Variants in FRMPD3 observed in about 807,000 individuals in gnomAD.
The protein encoded by FRMPD3 is FERM and PDZ domain-containing protein 3.
FRMPD3 carries 42 observed loss-of-function variants against 97.9 expected under a neutral mutation model. The ratio of observed to expected loss-of-function variants is 0.43; its 90% CI spans 0.34 to 0.55. The LOEUF (loss-of-function observed/expected upper bound fraction) is 0.55. Ranked by LOEUF, FRMPD3 falls within the 20% of genes least tolerant of loss-of-function variation. FRMPD3 has a pLI of 0.03. For synonymous variants in FRMPD3, 577 were observed against 581.1 expected, an observed-to-expected ratio of 0.99 and a Z score of 0.10; for missense variants, 1,303 against 1,457.7, an observed-to-expected ratio of 0.89 and a Z score of 1.73.
At chrX:107,522,337 CCAA>C in intron 1 of FRMPD3, 1 of 519,404 alleles carries the variant, frequency 1.9e-6, no homozygotes. Flanking sequence ...TTTCATTCTC[CCAA>C]CAACACGGAG....
chrX:107,535,850 G>C, intron 4 of FRMPD3, among the ~76,000 whole-genome samples: 2 of 110,162 alleles, frequency 1.8e-5, no homozygotes, highest in Non-Finnish European at 3.8e-5. Flanking sequence ...ATTATACGTT[G>C]CATGCCTGTG....
At chrX:107,554,280 C>T in intron 7 of FRMPD3, 105 bp from the exon 8 acceptor site, 2 of 870,606 alleles carry the variant, frequency 2.3e-6, no homozygotes, top group Middle Eastern at 4.0e-4. Context: ...AACAGCTTAG[C>T]TCTGCCCCAA....
At position 107,566,522 on chromosome X, in the gene FRMPD3, AG is replaced by A. The variant is rs201865082; in HGVS notation, c.1296+1458del. 5.3e-5 allele frequency among the ~76,000 whole-genome samples: 6 copies of A among 112,311 alleles called. No individual in the cohort carries two copies. In the East Asian group the frequency reaches 1.7e-3, roughly 32 times the overall value. On this transcript the variant is annotated intron_variant, in intron 12 of 14. Transcript: ENST00000683843. ...GGCAGAGAAGGGGGCAGGGAAGACAAGGCATGCAGGGGAGATGTGGCTTCCT... is the reference window on the plus strand; with the variant it reads ...GGCAGAGAAGGGGGCAGGGAAGACAAGCATGCAGGGGAGATGTGGCTTCCT...
At chrX:107,568,782 G>A (rs990664383) in intron 12 of FRMPD3, among the ~76,000 whole-genome samples, 2 of 110,559 alleles carry the variant, frequency 1.8e-5, no homozygotes, top group Non-Finnish European at 3.8e-5. Flanking sequence ...TGGCTTGCTG[G>A]GTGCAGTGGC....
intron 1 of FRMPD3, among the ~76,000 whole-genome samples, chrX:107,507,544 G>A (rs1922065965): frequency 2.7e-5 from 3 of 111,742 alleles, no homozygotes; most frequent in African/African-American, 9.8e-5. Flanking sequence ...CTGCCCCTCA[G>A]CGCCTCTGCT....
intron 1 of FRMPD3, among the ~76,000 whole-genome samples, chrX:107,457,069 T>C (rs1187406158): frequency 9.1e-6 from 1 of 110,033 alleles, no homozygotes; most frequent in African/African-American, 3.3e-5. Flanking sequence ...GAAGGAAGAG[T>C]CAAAGATGAT....
Position 107,603,141 on chromosome X carries a change from C to T in FRMPD3, c.5102C>T (p.Thr1701Ile), listed in dbSNP as rs1424901581. The T allele has an allele frequency of 4.2e-6, 5 of 1,177,802 alleles. No individual in the cohort carries two copies. Among genetic ancestry groups the T allele is most frequent in the Non-Finnish European group, 4.5e-6 (4 of 880,951 alleles). ...AKVEEVVRNY[T>I]FLLRAAEEST... ...GTAGAAGAGGTGGTGAGGAACTACA[C>T]CTTCCTGCTGCGTGCAGCTGAGGAG... The change falls in exon 15 of 15, where the codon ACC becomes ATC. Residue 1701 changes from threonine to isoleucine, a missense_variant. By Grantham distance (89) the Thr-to-Ile change is moderately conservative. Coordinates refer to ENST00000683843, the MANE Select transcript of FRMPD3 (RefSeq NM_001388459.1).
chrX:107,597,938 G>T lies in FRMPD3; in HGVS notation c.2059G>T (p.Ala687Ser), dbSNP rs1295510563. 8.3e-7 allele frequency: 1 copy of T among 1,210,734 alleles called. No individual in the cohort carries two copies. Among genetic ancestry groups the T allele is most frequent in the Admixed American group, 2.2e-5 (1 of 46,032 alleles). The change falls in exon 14 of 15, where the codon GCT becomes TCT. Residue 687 changes from alanine (A) to serine (S), a missense_variant. Ala to Ser is a moderately conservative substitution (Grantham distance 99). Coordinates refer to ENST00000683843, the MANE Select transcript of FRMPD3 (RefSeq NM_001388459.1). Reference protein sequence around the residue: ...SSDEDDPKRRAVQSQEQGRHL... With the variant: ...SSDEDDPKRRSVQSQEQGRHL... ...TGATGAGGATGACCCCAAGCGCCGG[G>T]CTGTCCAGAGCCAGGAACAAGGACG... is the stretch of plus-strand genomic sequence containing the variant.
At chrX:107,587,404 A>G (rs1230487199) in intron 13 of FRMPD3, among the ~76,000 whole-genome samples, 5 of 110,464 alleles carry the variant, frequency 4.5e-5, no homozygotes, top group African/African-American at 9.9e-5. Flanking sequence ...TCTTTATCCA[A>G]TTTGCCAGTC....
intron 12 of FRMPD3, among the ~76,000 whole-genome samples, chrX:107,575,120 T>C (rs767360493): frequency 8.9e-6 from 1 of 112,444 alleles, no homozygotes; most frequent in African/African-American, 3.2e-5. Context: ...CTGACTGATT[T>C]AGAGTTAGGA....
intron 8 of FRMPD3, among the ~76,000 whole-genome samples, chrX:107,557,611 A>C (rs1254836080): frequency 9.8e-6 from 1 of 102,012 alleles, no homozygotes; most frequent in African/African-American, 3.5e-5. Context: ...ATTTAGGCCT[A>C]TGATCCATTT....
Position 107,563,209 on chromosome X carries a change from C to A in FRMPD3, c.1116+9C>A. ...TCAACACTGTAGGCCTGGTCAGTGG[C>A]GCAGGATTGGGGGATGTGGGGAGGG... On this transcript the variant is annotated intron_variant, in intron 11 of 14. Transcript: ENST00000683843. 1 of 1,193,857 alleles carries A rather than the reference C, an allele frequency of 8.4e-7. No individual in the cohort carries two copies. Among genetic ancestry groups the A allele is most frequent in the Non-Finnish European group, 1.1e-6 (1 of 881,526 alleles).
intron 1 of FRMPD3, among the ~76,000 whole-genome samples, chrX:107,524,720 C>T (rs933341692): frequency 1.8e-5 from 2 of 111,190 alleles, no homozygotes; most frequent in East Asian, 5.7e-4. Context: ...CGGCTAGGCG[C>T]GGTGGCTCAC....
intron 1 of FRMPD3, among the ~76,000 whole-genome samples, chrX:107,451,272 G>A (rs1447507482): frequency 8.9e-6 from 1 of 112,445 alleles, no homozygotes; most frequent in East Asian, 2.8e-4. Context: ...CCTGCCTTCG[G>A]AGGAACTGCT....
At chrX:107,459,737 A>G (rs1931433383) in intron 1 of FRMPD3, among the ~76,000 whole-genome samples, 1 of 112,875 alleles carries the variant, frequency 8.9e-6, no homozygotes, top group Non-Finnish European at 1.9e-5. Context: ...CCTAACTGCC[A>G]AGGGAGCTCT....
chrX:107,489,364 C>A (rs1260279416), intron 1 of FRMPD3, among the ~76,000 whole-genome samples: 9 of 111,438 alleles, frequency 8.1e-5, no homozygotes, highest in South Asian at 3.8e-4. Context: ...AATGGGATGG[C>A]TGGGTCAAAT....
At chrX:107,459,842 G>C (rs1489580573) in intron 1 of FRMPD3, among the ~76,000 whole-genome samples, 1 of 108,962 alleles carries the variant, frequency 9.2e-6, no homozygotes, top group Non-Finnish European at 1.9e-5. Flanking sequence ...TAGATTGGTG[G>C]ATGAACACAC....
chrX:107,498,493 T>C (rs1465277990), intron 1 of FRMPD3, among the ~76,000 whole-genome samples: 1 of 111,900 alleles, frequency 8.9e-6, no homozygotes, highest in Non-Finnish European at 1.9e-5. Flanking sequence ...GGGGGCAGAC[T>C]GTGGGATGTG....
chrX:107,590,072 T>A (rs1923835798), intron 13 of FRMPD3, among the ~76,000 whole-genome samples: 1 of 112,324 alleles, frequency 8.9e-6, no homozygotes, highest in Non-Finnish European at 1.9e-5. Flanking sequence ...GGGGAATCGC[T>A]TGAACCAAGG....
Sources: gnomAD v4.1 joint callset for allele counts (sites outside exome capture counted in the v4.1 genomes callset) on GRCh38, gnomAD v4.1.1 for gene constraint, MANE v1.5 for transcripts, NCBI Gene and HGNC (gene_info 2026-07-23, HGNC 2026-07-21) for gene names.